The following CDH12 variants were observed in gnomAD, a reference collection of about 807,000 sequenced individuals.
CDH12 encodes cadherin-12.
Under a neutral mutation model 74.1 loss-of-function variants are expected in CDH12, and 41 were observed. That is an observed-to-expected ratio of 0.55 (90% CI 0.43 to 0.72). The LOEUF (loss-of-function observed/expected upper bound fraction) is 0.72, where lower values mean the gene tolerates loss of function less well. Ranked by LOEUF, CDH12 falls within the 30% of genes least tolerant of loss-of-function variation. The pLI is 0.00. For synonymous variants in CDH12, 399 were observed against 355.0 expected, an observed-to-expected ratio of 1.12 and a Z score of -1.39; for missense variants, 945 against 977.2, an observed-to-expected ratio of 0.97 and a Z score of 0.44.
At position 22,008,387 on chromosome 5, in the gene CDH12, G is replaced by A. The variant is rs181729306; in HGVS notation, c.232-33002C>T. Among the ~76,000 whole-genome samples the A allele has an allele frequency of 7.0e-3, 1,061 of 151,944 alleles. 18 individuals carry two copies. Among genetic ancestry groups the A allele is most frequent in the South Asian group, 0.061 (291 of 4,802 alleles). On this transcript the variant is annotated intron_variant, in intron 5 of 14. Coordinates refer to ENST00000382254, the MANE Select transcript of CDH12 (RefSeq NM_004061.5). ...TGGGATTACAGGCGTCCACCACCAC[G>A]CCTGGCTAATTTTTGTATTTCAGTA...
chr5:22,184,527 T>C (rs1164175779), intron 4 of CDH12, among the ~76,000 whole-genome samples: 1 of 152,238 alleles, frequency 6.6e-6, no homozygotes, highest in Admixed American at 6.5e-5. Flanking sequence ...AACTAGTAAT[T>C]GTGAAACTAG....
chr5:22,300,988 A>G (rs1561295119), intron 3 of CDH12, among the ~76,000 whole-genome samples: 1 of 152,212 alleles, frequency 6.6e-6, no homozygotes, highest in Non-Finnish European at 1.5e-5. Flanking sequence ...CATAACAATA[A>G]GAGTATTTTT....
intron 9 of CDH12, among the ~76,000 whole-genome samples, chr5:21,808,097 G>A (rs1747535175): frequency 6.6e-6 from 1 of 152,092 alleles, no homozygotes; most frequent in Non-Finnish European, 1.5e-5. Flanking sequence ...TGTCATAGGA[G>A]CCACAAGGAA....
intron 3 of CDH12, among the ~76,000 whole-genome samples, chr5:22,402,858 G>A (rs905630993): frequency 2.6e-5 from 4 of 152,084 alleles, no homozygotes; most frequent in African/African-American, 9.7e-5. Flanking sequence ...TTTTCTAATG[G>A]TGCAGATCAC....
chr5:22,757,734 C>A (rs554099586), intron 1 of CDH12, among the ~76,000 whole-genome samples: 6 of 152,240 alleles, frequency 3.9e-5, no homozygotes, highest in Non-Finnish European at 7.4e-5. Flanking sequence ...CTTGGATTGT[C>A]AGCTTTGTCC....
At chr5:22,166,152 T>A (rs1580348889) in intron 4 of CDH12, among the ~76,000 whole-genome samples, 2 of 152,264 alleles carry the variant, frequency 1.3e-5, no homozygotes, top group South Asian at 2.1e-4. Flanking sequence ...GTAACACTTA[T>A]CAATTATCAC....
intron 5 of CDH12, among the ~76,000 whole-genome samples, chr5:22,048,057 G>T (rs1381609464): frequency 6.6e-6 from 1 of 152,128 alleles, no homozygotes; most frequent in Non-Finnish European, 1.5e-5. Flanking sequence ...AGGGGTAGGG[G>T]TGTGAGACAG....
Position 21,811,796 on chromosome 5 carries a change from T to C in CDH12, c.1002+5149A>G, listed in dbSNP as rs1038004218. On this transcript the variant is annotated intron_variant, in intron 9 of 14. Coordinates refer to ENST00000382254, the MANE Select transcript of CDH12 (RefSeq NM_004061.5). Reference sequence around the variant, plus strand: ...TTTATTTTGTTTTGTTTTGTTTTGTTTTACCAATATCTTATGCCTTGGAGC... The same window carrying C: ...TTTATTTTGTTTTGTTTTGTTTTGTCTTACCAATATCTTATGCCTTGGAGC... Among the ~76,000 whole-genome samples the C allele has an allele frequency of 4.2e-5, 6 of 141,812 alleles. No homozygotes were observed. In the South Asian group the frequency reaches 1.4e-3, roughly 32 times the overall value. 93.0% of individuals were successfully genotyped at this position (141,812 alleles called of 152,430 possible). A position where few individuals can be genotyped will look rare whatever the true frequency, so the allele number is the denominator to read the frequency against.
In CDH12 at chr5:22,365,514, T is replaced by C. The variant is rs1411279204; in HGVS notation, c.-333+39743A>G. Among the ~76,000 whole-genome samples, 7 of 152,268 alleles carry C rather than the reference T, an allele frequency of 4.6e-5. 2 individuals carry two copies. The South Asian group carries it at 8.3e-4, about 18-fold the overall frequency. On this transcript the variant is annotated intron_variant, in intron 3 of 14. Transcript: ENST00000382254. ...GTAGTCCTTAAGAAGATAAATTATA[T>C]AGATAAATAAGCACATGATAAATAG...
intron 4 of CDH12, among the ~76,000 whole-genome samples, chr5:22,118,018 A>T (rs1745275750): frequency 6.6e-6 from 1 of 152,142 alleles, no homozygotes; most frequent in African/African-American, 2.4e-5. Flanking sequence ...GTGAAAAAAT[A>T]ATACAGAGAC....
chr5:22,056,635 A>G (rs1432226494), intron 5 of CDH12, among the ~76,000 whole-genome samples: 2 of 152,204 alleles, frequency 1.3e-5, no homozygotes, highest in Non-Finnish European at 2.9e-5. Flanking sequence ...CTTTCTGTGA[A>G]GCGCAAATCC....
intron 4 of CDH12, among the ~76,000 whole-genome samples, chr5:22,199,854 T>C (rs1314232622): frequency 6.6e-6 from 1 of 152,222 alleles, no homozygotes; most frequent in East Asian, 1.9e-4. Flanking sequence ...AACATTTTAT[T>C]TGGTGGATCT....
intron 3 of CDH12, among the ~76,000 whole-genome samples, chr5:22,354,623 G>C (rs933164175): frequency 1.3e-5 from 2 of 152,054 alleles, no homozygotes; most frequent in African/African-American, 2.4e-5. Flanking sequence ...TGGGGAGAAG[G>C]GAATAAAGAG....
At chr5:22,353,918 T>C (rs1740458372) in intron 3 of CDH12, among the ~76,000 whole-genome samples, 1 of 152,044 alleles carries the variant, frequency 6.6e-6, no homozygotes, top group South Asian at 2.1e-4. Flanking sequence ...GAGACAGAAT[T>C]AACAGGAATA....
intron 5 of CDH12, among the ~76,000 whole-genome samples, chr5:21,997,441 T>C (rs924050588): frequency 9.9e-5 from 15 of 152,140 alleles, no homozygotes; most frequent in Admixed American, 8.5e-4. Flanking sequence ...TATAGTTACA[T>C]GCCTGAAATG....
At chr5:22,750,418 A>G (rs1745505757) in intron 1 of CDH12, among the ~76,000 whole-genome samples, 1 of 152,192 alleles carries the variant, frequency 6.6e-6, no homozygotes, top group Non-Finnish European at 1.5e-5. Context: ...AATAGGTAAG[A>G]ACAACGGGCA....
intron 1 of CDH12, among the ~76,000 whole-genome samples, chr5:22,511,760 G>A (rs143747591): frequency 1.3e-5 from 2 of 152,154 alleles, no homozygotes; most frequent in East Asian, 1.9e-4. Flanking sequence ...AGTCTTGCCC[G>A]TGTTTATAAG....
chr5:21,870,086 T>C (rs557308349), intron 6 of CDH12, among the ~76,000 whole-genome samples: 1 of 152,308 alleles, frequency 6.6e-6, no homozygotes, highest in East Asian at 1.9e-4. Flanking sequence ...TCATTCTCTC[T>C]TCACCTACGG....
chr5:21,763,811 T>C (rs889342243), intron 12 of CDH12, among the ~76,000 whole-genome samples: 4 of 152,160 alleles, frequency 2.6e-5, no homozygotes, highest in Non-Finnish European at 5.9e-5. Context: ...TTTCATTAAC[T>C]TTGTGGTCTT....
Sources: allele counts gnomAD v4.1 joint callset (sites outside exome capture counted in the v4.1 genomes callset), GRCh38; gene constraint gnomAD v4.1.1; transcripts MANE v1.5; gene names NCBI Gene and HGNC (gene_info 2026-07-23, HGNC 2026-07-21).